Variants in SMU1 observed in about 807,000 individuals in gnomAD.
SMU1 encodes the protein SMU1 DNA replication regulator and spliceosomal factor.
In SMU1, 2 loss-of-function variants were observed where a neutral mutation model predicts 62.0. The ratio of observed to expected loss-of-function variants is 0.03; its 90% CI spans 0.01 to 0.10. The LOEUF is 0.10. SMU1 is among the 10% of genes least tolerant of loss of function. The probability of loss-of-function intolerance (pLI) is 1.00; values close to 1 mark genes in which losing one functional copy is unlikely to be tolerated. For missense variants in SMU1, 227 were observed against 622.1 expected (o/e 0.36, Z 6.76); for synonymous variants, 188 against 212.4 (o/e 0.89, Z 1.00).
chr9:33,050,758 G>A (rs917898658), intron 10 of SMU1, among the ~76,000 whole-genome samples: 3 of 151,542 alleles, frequency 2.0e-5, no homozygotes, highest in Non-Finnish European at 4.4e-5. Context: ...CCCGGGGGCC[G>A]GAGGTTGCAG....
chr9:33,068,495 G>A (rs1440736262), intron 4 of SMU1, among the ~76,000 whole-genome samples: 1 of 152,028 alleles, frequency 6.6e-6, no homozygotes, highest in African/African-American at 2.4e-5. Context: ...ATTGTACCAG[G>A]AGTTCACTTT....
chr9:33,056,734 T>C lies in SMU1; in HGVS notation c.995+103A>G, dbSNP rs139222562. 5.3e-3 allele frequency: 6,728 copies of C among 1,263,234 alleles called. 32 individuals are homozygous for C. The highest frequency in any genetic ancestry group is 6.2e-3 in the Non-Finnish European group (5,562 of 904,340). The allele number at this position is 1,263,234 out of a possible 1,614,324, so 78.3% of individuals were successfully genotyped here. The stretch of plus-strand genomic sequence containing the variant: ...CTTCCCTCTCCATATCACATCATCA[T>C]GGTAAAAGCATCATGGTAAAAGCGT... On this transcript the variant is annotated intron_variant, in intron 8 of 11. Transcript: ENST00000397149.
intron 4 of SMU1, 135 bp downstream of exon 4, chr9:33,068,689 G>A: frequency 2.0e-6 from 2 of 1,004,606 alleles, no homozygotes; most frequent in Admixed American, 6.2e-5. Flanking sequence ...ACTTTTTGTA[G>A]AGACAGAGTC....
chr9:33,058,555 G>T (rs754585134), intron 6 of SMU1, among the ~76,000 whole-genome samples: 1 of 152,092 alleles, frequency 6.6e-6, no homozygotes. Context: ...GACTTCAAGT[G>T]ACCTATCAAC....
chr9:33,054,814 T>C (rs1564020843), intron 9 of SMU1, among the ~76,000 whole-genome samples: 1 of 152,228 alleles, frequency 6.6e-6, no homozygotes, highest in Non-Finnish European at 1.5e-5. Flanking sequence ...TAATCTCCTC[T>C]GAAGCCCAGT....
intron 4 of SMU1, among the ~76,000 whole-genome samples, chr9:33,065,846 AG>A (rs1564023818): frequency 6.6e-6 from 1 of 152,188 alleles, no homozygotes; most frequent in Non-Finnish European, 1.5e-5. Context: ...TGAAAATCTC[AG>A]TAGAGCTGAG....
At chr9:33,072,210 G>A (rs1481976136) in intron 2 of SMU1, among the ~76,000 whole-genome samples, 1 of 152,110 alleles carries the variant, frequency 6.6e-6, no homozygotes, top group Non-Finnish European at 1.5e-5. Flanking sequence ...GGTGGTATAT[G>A]CCTGTAATTC....
chr9:33,076,626 A>C lies in SMU1; in HGVS notation c.-18T>G. 6.2e-7 allele frequency: 1 copy of C among 1,613,742 alleles called. No homozygotes were observed. Among genetic ancestry groups the C allele is most frequent in the Non-Finnish European group, 8.5e-7 (1 of 1,180,014 alleles). Reference sequence around the variant, plus strand: ...ATCGACATAGCCGTATCTCTCCGGGAGCAGGCCCCAGCTCTCCCTCAAGGC... The same window carrying C: ...ATCGACATAGCCGTATCTCTCCGGGCGCAGGCCCCAGCTCTCCCTCAAGGC... On this transcript the variant is annotated 5_prime_UTR_variant, in exon 1 of 12. Transcript: ENST00000397149.
intron 10 of SMU1, among the ~76,000 whole-genome samples, chr9:33,052,410 T>C (rs1003665271): frequency 6.6e-6 from 1 of 152,170 alleles, no homozygotes; most frequent in Non-Finnish European, 1.5e-5. Flanking sequence ...GCTGTAGCTA[T>C]TATGCAGTGG....
chr9:33,049,208 C>G (rs1199778293), intron 10 of SMU1, among the ~76,000 whole-genome samples: 1 of 152,184 alleles, frequency 6.6e-6, no homozygotes, highest in Admixed American at 6.5e-5. Flanking sequence ...TCACAATACC[C>G]AACTTCAAGA....
intron 5 of SMU1, 106 bp downstream of exon 5, chr9:33,061,943 G>T: frequency 1.7e-6 from 2 of 1,186,872 alleles, no homozygotes; most frequent in Non-Finnish European, 2.4e-6. Context: ...GCTGGAGAAT[G>T]AGTTCTCCCC....
At chr9:33,072,848 A>AAAC (rs1554681864) in intron 2 of SMU1, among the ~76,000 whole-genome samples, 20 of 151,518 alleles carry the variant, frequency 1.3e-4, no homozygotes, top group African/African-American at 4.6e-4. Context: ...ACAAAAAAAA[A>AAAC]AACCCGTAAA....
chr9:33,053,149 C>T lies in SMU1; in HGVS notation c.1264G>A (p.Val422Met), dbSNP rs986295998. The T allele has an allele frequency of 6.2e-7, 1 of 1,612,096 alleles. No homozygotes were observed. The highest frequency in any genetic ancestry group is 1.3e-5 in the African/African-American group (1 of 74,854). The change falls in exon 10 of 12, where the codon GTG becomes ATG. Residue 422 changes from valine to methionine, a missense_variant. Coordinates refer to ENST00000397149, the MANE Select transcript of SMU1 (RefSeq NM_018225.3). ...TGCCCCTGCATGTTCATGATGACCA[C>T]CGTGTTTGATCTGTTGCACACCACA... ...HFVVCNRSNT[V>M]VIMNMQGQIV...
intron 8 of SMU1, 92 bp downstream of exon 8, chr9:33,056,745 T>A (rs1002061585): frequency 7.3e-7 from 1 of 1,362,202 alleles, no homozygotes; most frequent in African/African-American, 1.5e-5. Context: ...GGTAAAAGCA[T>A]CATGGTAAAA....
At chr9:33,076,026 G>C (rs1327214905) in intron 1 of SMU1, among the ~76,000 whole-genome samples, 1 of 152,100 alleles carries the variant, frequency 6.6e-6, no homozygotes. Flanking sequence ...CATTCCAAAA[G>C]CAATTAACTC....
At position 33,071,806 on chromosome 9, in the gene SMU1, T is replaced by C. The variant is rs760531089; in HGVS notation, c.324A>G (p.Gln108=). The stretch of plus-strand genomic sequence containing the variant: ...GATGAATATATCGCTCTGGCTGTGT[T>C]TGTTTTAACATGATCATGGGATCAG... ...RQTDPMIMLK[Q]TQPERYIHLE... The change falls in exon 3 of 12, where the codon CAA becomes CAG. Residue 108 remains glutamine, a synonymous_variant. Coordinates refer to ENST00000397149, the MANE Select transcript of SMU1 (RefSeq NM_018225.3). 6.2e-7 allele frequency: 1 copy of C among 1,610,212 alleles called. No individual in the cohort carries two copies. Among genetic ancestry groups the C allele is most frequent in the Non-Finnish European group, 8.5e-7 (1 of 1,178,994 alleles).
At chr9:33,068,798 C>A (rs764106956) in intron 4 of SMU1, 26 bp downstream of exon 4, 12 of 1,611,050 alleles carry the variant, frequency 7.4e-6, no homozygotes, top group Admixed American at 1.7e-5. Flanking sequence ...AGCCACCACA[C>A]CTGGCCTCTA....
chr9:33,060,433 C>G, intron 6 of SMU1, 32 bp downstream of exon 6: 1 of 1,570,064 alleles, frequency 6.4e-7, no homozygotes, highest in African/African-American at 1.4e-5. Flanking sequence ...AATTTTTCCA[C>G]TAGGAAGGTT....
rs1839481688 is a variant in SMU1, at chr9:33,071,154, A to AC, written c.390+585_390+586insG. On this transcript the variant is annotated intron_variant, in intron 3 of 11. Transcript: ENST00000397149. The stretch of plus-strand genomic sequence containing the variant: ...TACACCTACTATGTACCCATAAAAA[A>AC]TTTTTTTTAATCCTTTTTCCTCCTA... Among the ~76,000 whole-genome samples the AC allele has an allele frequency of 4.6e-5, 7 of 151,896 alleles. No homozygotes were observed. The South Asian group carries it at 1.5e-3, about 32-fold the overall frequency.
Sources: allele counts gnomAD v4.1 joint callset (sites outside exome capture counted in the v4.1 genomes callset), GRCh38; gene constraint gnomAD v4.1.1; transcripts MANE v1.5; gene names NCBI Gene and HGNC (gene_info 2026-07-23, HGNC 2026-07-21).